HNRNPAB: variants seen among roughly 807,000 people sequenced by gnomAD.
HNRNPAB encodes heterogeneous nuclear ribonucleoprotein A/B, also known as ABBP-1.
HNRNPAB carries 17 observed loss-of-function variants against 44.1 expected under a neutral mutation model. The observed-to-expected ratio is 0.39, with a 90% CI of 0.26 to 0.58. The LOEUF (loss-of-function observed/expected upper bound fraction) is 0.58. HNRNPAB is among the 20% of genes least tolerant of loss of function. HNRNPAB has a pLI of 0.63. For missense variants in HNRNPAB, 393 were observed against 432.7 expected (o/e 0.91, Z 0.81); for synonymous variants, 183 against 167.6 (o/e 1.09, Z -0.71).
At chr5:178,205,666 G>C (rs867202674) in intron 2 of HNRNPAB, 176 bp from the exon 3 acceptor site, 4 of 609,458 alleles carry the variant, frequency 6.6e-6, no homozygotes, top group African/African-American at 3.7e-5. Flanking sequence ...GCCTCGTTAG[G>C]GTCCTGGTTG....
chr5:178,206,663 T>G, intron 3 of HNRNPAB, 69 bp from the exon 4 acceptor site: 1 of 1,485,854 alleles, frequency 6.7e-7, no homozygotes, highest in Non-Finnish European at 9.3e-7. Flanking sequence ...GGTGTCTTTA[T>G]GGCTTAGAGA....
At chr5:178,205,761 A>G (rs1440194996) in intron 2 of HNRNPAB, 81 bp from the exon 3 acceptor site, 5 of 1,385,452 alleles carry the variant, frequency 3.6e-6, no homozygotes, top group African/African-American at 1.4e-5. Context: ...ACTTCGTGAG[A>G]ACTTTGCCAG....
At position 178,206,855 on chromosome 5, in the gene HNRNPAB, G is replaced by C; in HGVS notation, c.502G>C (p.Glu168Gln). The C allele has an allele frequency of 6.2e-7, 1 of 1,614,198 alleles. No homozygotes were observed. Among genetic ancestry groups the C allele is most frequent in the Middle Eastern group, 1.6e-4 (1 of 6,062 alleles). ...GGGTCTGAATCCTGAAGCCACTGAG[G>C]AAAAGATCAGGGAGTACTTTGGCGA... ...VGGLNPEATEEKIREYFGEFG... is the reference protein window; with the variant it reads ...VGGLNPEATEQKIREYFGEFG... Residue 168 changes from glutamate to glutamine, a missense_variant, in exon 4 of 8, where the codon GAA becomes CAA. Coordinates refer to ENST00000358344, the MANE Select transcript of HNRNPAB (RefSeq NM_031266.3).
chr5:178,206,186 C>T (rs372098805), intron 3 of HNRNPAB, among the ~76,000 whole-genome samples, 176 bp downstream of exon 3: 2 of 152,166 alleles, frequency 1.3e-5, no homozygotes, highest in Non-Finnish European at 2.9e-5. Context: ...ACAGATTAAG[C>T]TGGGAGTGAG....
intron 3 of HNRNPAB, 71 bp from the exon 4 acceptor site, chr5:178,206,661 T>C (rs964420294): frequency 4.1e-6 from 6 of 1,480,984 alleles, no homozygotes; most frequent in Admixed American, 3.5e-5. Context: ...CTGGTGTCTT[T>C]ATGGCTTAGA....
chr5:178,205,141 C>T (rs1358359856), intron 2 of HNRNPAB, 95 bp downstream of exon 2: 1 of 957,466 alleles, frequency 1.0e-6, no homozygotes, highest in Non-Finnish European at 1.3e-6. Context: ...GCGGCCTGGC[C>T]CGGGTCGGGG....
In HNRNPAB at chr5:178,209,571, G is replaced by T. The variant is rs1047930633; in HGVS notation, c.787+124G>T. On this transcript the variant is annotated intron_variant, in intron 6 of 7. Coordinates refer to ENST00000358344, the MANE Select transcript of HNRNPAB (RefSeq NM_031266.3). ...GGGCAGATTGTGTGAGGTTGGGGAC[G>T]AACAGGAATAGGAACGGCTCTGGGT... The T allele has an allele frequency of 8.3e-5, 64 of 773,444 alleles. No homozygotes were observed. In the African/African-American group the frequency reaches 1.0e-3, roughly 12 times the overall value. 47.9% of individuals were successfully genotyped at this position (773,444 alleles called of 1,614,324 possible). A position where few individuals can be genotyped will look rare whatever the true frequency, so the allele number is the denominator to read the frequency against.
intron 3 of HNRNPAB, among the ~76,000 whole-genome samples, chr5:178,206,329 C>T (rs1757056200): frequency 6.6e-6 from 1 of 152,094 alleles, no homozygotes; most frequent in African/African-American, 2.4e-5. Context: ...GCTTTTAGCC[C>T]CATTTTACAG....
At chr5:178,210,401 A>C in intron 7 of HNRNPAB, 129 bp downstream of exon 7, 3 of 1,557,586 alleles carry the variant, frequency 1.9e-6, no homozygotes, top group Admixed American at 1.9e-5. Flanking sequence ...GAGCTACTTG[A>C]TTTTGAGCCT....
chr5:178,209,223 C>A, intron 5 of HNRNPAB, 107 bp from the exon 6 acceptor site: 1 of 916,912 alleles, frequency 1.1e-6, no homozygotes, highest in Non-Finnish European at 1.8e-6. Context: ...TGTTTCTCAG[C>A]AAATGGACCT....
At chr5:178,205,379 G>T (rs1364897931) in intron 2 of HNRNPAB, among the ~76,000 whole-genome samples, 1 of 151,926 alleles carries the variant, frequency 6.6e-6, no homozygotes, top group Non-Finnish European at 1.5e-5. Context: ...GGGCCGCGCC[G>T]GCGGCTGCGT....
Position 178,210,122 on chromosome 5 carries a change from C to G in HNRNPAB, c.788-10C>G. 6.2e-7 allele frequency: 1 copy of G among 1,613,710 alleles called. No individual in the cohort carries two copies. The highest frequency in any genetic ancestry group is 1.1e-5 in the South Asian group (1 of 91,060). Reference sequence around the variant, plus strand: ...GGTCCACGGGCCCCTGTGCCCTGCTCCCCCCACAGGTCAGAGTCAGAGTTG... The same window carrying G: ...GGTCCACGGGCCCCTGTGCCCTGCTGCCCCCACAGGTCAGAGTCAGAGTTG... On this transcript the variant is annotated splice_polypyrimidine_tract_variant and intron_variant, in intron 6 of 7. Coordinates refer to ENST00000358344, the MANE Select transcript of HNRNPAB (RefSeq NM_031266.3).
In HNRNPAB at chr5:178,210,686, A is replaced by G. The variant is rs778261912; in HGVS notation, c.*63A>G. 2.3e-6 allele frequency: 3 copies of G among 1,283,818 alleles called. No homozygotes were observed. Among genetic ancestry groups the G allele is most frequent in the Non-Finnish European group, 3.4e-6 (3 of 881,804 alleles). 79.5% of individuals were successfully genotyped at this position (1,283,818 alleles called of 1,614,324 possible). On this transcript the variant is annotated 3_prime_UTR_variant, in exon 8 of 8. Coordinates refer to ENST00000358344, the MANE Select transcript of HNRNPAB (RefSeq NM_031266.3). ...TTTGTTTGGATATGGAGTGAACACA[A>G]TTATGTACCAAATTTAACTTGGCAA...
chr5:178,210,062 G>A lies in HNRNPAB; in HGVS notation c.788-70G>A, dbSNP rs958748066. Reference sequence around the variant, plus strand: ...GTAACCCTGCCACCCCAAAGGGCAGGATTTCCTCCATCCTAGCTCCTGCGT... The same window carrying A: ...GTAACCCTGCCACCCCAAAGGGCAGAATTTCCTCCATCCTAGCTCCTGCGT... On this transcript the variant is annotated intron_variant, in intron 6 of 7. Coordinates refer to ENST00000358344, the MANE Select transcript of HNRNPAB (RefSeq NM_031266.3). 20 of 1,583,324 alleles carry A rather than the reference G, an allele frequency of 1.3e-5. No individual in the cohort carries two copies. In the Middle Eastern group the frequency reaches 6.8e-4, roughly 54 times the overall value.
At chr5:178,210,405 T>C in intron 7 of HNRNPAB, 133 bp downstream of exon 7, 2 of 1,554,276 alleles carry the variant, frequency 1.3e-6, no homozygotes, top group Non-Finnish European at 1.8e-6. Flanking sequence ...TACTTGATTT[T>C]GAGCCTTAGA....
intron 5 of HNRNPAB, among the ~76,000 whole-genome samples, chr5:178,207,691 CTTTTTTTTT>C (rs34424574): frequency 3.6e-4 from 28 of 78,774 alleles, no homozygotes; most frequent in East Asian, 8.0e-4. Flanking sequence ...ACTTTGAGCA[CTTTTTTTTT>C]TTTTTTTTTT....
Position 178,210,741 on chromosome 5 carries a change from T to TATTTA in HNRNPAB, c.*120_*124dup, listed in dbSNP as rs1758027254. The TATTTA allele has an allele frequency of 1.3e-6, 1 of 769,136 alleles. No homozygotes were observed. The highest frequency in any genetic ancestry group is 1.7e-5 in the African/African-American group (1 of 58,316). 47.6% of individuals were successfully genotyped at this position (769,136 alleles called of 1,614,324 possible). ...TCTATTGCCTGTCCCATGTGCATCT[T>TATTTA]ATTTAAAATTTCCCCCATGGAAATC... On this transcript the variant is annotated 3_prime_UTR_variant, in exon 8 of 8. Transcript: ENST00000358344.
chr5:178,204,816 A>G lies in HNRNPAB; in HGVS notation c.-22A>G. 1 of 1,212,136 alleles carries G rather than the reference A, an allele frequency of 8.2e-7. No homozygotes were observed. Among genetic ancestry groups the G allele is most frequent in the Non-Finnish European group, 1.0e-6 (1 of 975,390 alleles). The allele number at this position is 1,212,136 out of a possible 1,614,324, so 75.1% of individuals were successfully genotyped here. On this transcript the variant is annotated splice_region_variant and 5_prime_UTR_variant, in exon 2 of 8. Transcript: ENST00000358344. ...ACGCGCTGTCGCCGCTGGTTGCAGG[A>G]GCCGCCGCGCCTCGGCCTAGCATGT... is the stretch of plus-strand genomic sequence containing the variant.
chr5:178,205,002 C>T lies in HNRNPAB; in HGVS notation c.165C>T (p.Ala55=), dbSNP rs1411445920. Residue 55 remains alanine, a synonymous_variant, in exon 2 of 8, where the codon GCC becomes GCT. Coordinates refer to ENST00000358344, the MANE Select transcript of HNRNPAB (RefSeq NM_031266.3). ...CCCCGAGCGGGAATCAGAACGGCGC[C>T]GAGGGCGACCAGATCAACGCCAGCA... ...AAPPSGNQNG[A]EGDQINASKN... 1.7e-6 allele frequency: 2 copies of T among 1,209,222 alleles called. No homozygotes were observed. The highest frequency in any genetic ancestry group is 4.1e-5 in the South Asian group (1 of 24,168). 74.9% of individuals were successfully genotyped at this position (1,209,222 alleles called of 1,614,324 possible).
Sources: gnomAD v4.1 joint callset for allele counts (sites outside exome capture counted in the v4.1 genomes callset) on GRCh38, gnomAD v4.1.1 for gene constraint, MANE v1.5 for transcripts, NCBI Gene and HGNC (gene_info 2026-07-23, HGNC 2026-07-21) for gene names.